RUNX2: variants seen among roughly 807,000 people sequenced by gnomAD.
RUNX2 encodes the protein RUNX family transcription factor 2.
In RUNX2, 10 loss-of-function variants were observed where a neutral mutation model predicts 51.7. That is an observed-to-expected ratio of 0.19 (90% CI 0.12 to 0.33). RUNX2 has a LOEUF of 0.33. Ranked by LOEUF, RUNX2 falls within the 10% of genes least tolerant of loss-of-function variation. The pLI is 1.00. For missense variants in RUNX2, 562 were observed against 691.3 expected, an observed-to-expected ratio of 0.81 and a Z score of 2.10; for synonymous variants, 276 against 273.6, an observed-to-expected ratio of 1.01 and a Z score of -0.09.
intron 7 of RUNX2, among the ~76,000 whole-genome samples, chr6:45,522,481 C>T (rs6458445): frequency 0.36 from 54,291 of 151,972 alleles, 11,161 homozygotes; most frequent in African/African-American, 0.58. Context: ...ACTTTCACTC[C>T]GAATTGCTTC....
intron 6 of RUNX2, among the ~76,000 whole-genome samples, chr6:45,498,594 C>T (rs1041076552): frequency 5.9e-5 from 9 of 152,108 alleles, no homozygotes; most frequent in African/African-American, 2.2e-4. Flanking sequence ...TTATATAAGG[C>T]ATGTATTTAA....
chr6:45,378,865 CATTCTT>C (rs1332957563), intron 2 of RUNX2, among the ~76,000 whole-genome samples: 1 of 152,202 alleles, frequency 6.6e-6, no homozygotes, highest in African/African-American at 2.4e-5. Context: ...TTATATTTAA[CATTCTT>C]ATTGCCTGCT....
intron 2 of RUNX2, chr6:45,371,947 G>A: frequency 2.5e-6 from 2 of 788,796 alleles, no homozygotes; most frequent in Non-Finnish European, 3.1e-6. Flanking sequence ...CTACTATTTA[G>A]TGATACAAGC....
chr6:45,525,163 G>A (rs1801634265), intron 7 of RUNX2, among the ~76,000 whole-genome samples: 1 of 152,142 alleles, frequency 6.6e-6, no homozygotes, highest in Non-Finnish European at 1.5e-5. Flanking sequence ...AAAGAGTTTG[G>A]CCCTCAGAGC....
intron 6 of RUNX2, among the ~76,000 whole-genome samples, chr6:45,508,517 T>C (rs1335489559): frequency 6.6e-6 from 1 of 152,170 alleles, no homozygotes; most frequent in Non-Finnish European, 1.5e-5. Context: ...TGTGAGCCAC[T>C]GCTCCCGGCC....
At chr6:45,536,952 T>A (rs560921912) in intron 7 of RUNX2, among the ~76,000 whole-genome samples, 13 of 152,292 alleles carry the variant, frequency 8.5e-5, no homozygotes, top group African/African-American at 2.9e-4. Context: ...TGATTCTCAA[T>A]TTATGTATTT....
At chr6:45,421,868 A>G (rs1798200978) in intron 2 of RUNX2, 1 of 152,080 alleles carries the variant, frequency 6.6e-6, no homozygotes, top group South Asian at 2.1e-4. Context: ...GAAGCGCGAG[A>G]GACAGGGGAG....
At chr6:45,479,460 G>A (rs763223369) in intron 5 of RUNX2, among the ~76,000 whole-genome samples, 7 of 152,234 alleles carry the variant, frequency 4.6e-5, no homozygotes, top group East Asian at 3.9e-4. Flanking sequence ...TTGAGAGGAC[G>A]GTATCCCTAA....
chr6:45,520,095 G>C (rs556344929), intron 7 of RUNX2, among the ~76,000 whole-genome samples: 6 of 152,152 alleles, frequency 3.9e-5, no homozygotes, highest in Admixed American at 3.9e-4. Flanking sequence ...GCCTCCCAAA[G>C]TGCTGGGATT....
chr6:45,436,085 C>T (rs939265129), intron 4 of RUNX2, among the ~76,000 whole-genome samples: 14 of 151,948 alleles, frequency 9.2e-5, no homozygotes, highest in South Asian at 2.1e-4. Context: ...TATTTAAATC[C>T]GTGTAATAGC....
intron 5 of RUNX2, among the ~76,000 whole-genome samples, chr6:45,446,275 A>T (rs774479030): frequency 2.6e-5 from 4 of 152,244 alleles, no homozygotes; most frequent in Non-Finnish European, 5.9e-5. Flanking sequence ...GCAAGAGCAC[A>T]GTTTCCACAT....
intron 5 of RUNX2, among the ~76,000 whole-genome samples, chr6:45,480,659 A>G (rs1800087094): frequency 6.6e-6 from 1 of 152,234 alleles, no homozygotes; most frequent in South Asian, 2.1e-4. Context: ...GCAGAGCAGC[A>G]TACAATTGAA....
chr6:45,420,835 G>A (rs1412163586), intron 2 of RUNX2, among the ~76,000 whole-genome samples: 7 of 152,174 alleles, frequency 4.6e-5, no homozygotes, highest in African/African-American at 1.7e-4. Flanking sequence ...GAGGCTGGTC[G>A]TAGACACCCA....
chr6:45,353,959 AAAG>A (rs1792606658), intron 2 of RUNX2, among the ~76,000 whole-genome samples: 1 of 152,160 alleles, frequency 6.6e-6, no homozygotes, highest in Non-Finnish European at 1.5e-5. Flanking sequence ...GACAAGCACA[AAAG>A]AAGAAATAAA....
chr6:45,359,638 A>G (rs1201854925), intron 2 of RUNX2, among the ~76,000 whole-genome samples: 1 of 152,236 alleles, frequency 6.6e-6, no homozygotes, highest in Non-Finnish European at 1.5e-5. Flanking sequence ...ATAAGTATAT[A>G]GTAAGTATAT....
At chr6:45,494,882 T>C (rs1222593986) in intron 6 of RUNX2, among the ~76,000 whole-genome samples, 1 of 152,242 alleles carries the variant, frequency 6.6e-6, no homozygotes, top group Non-Finnish European at 1.5e-5. Flanking sequence ...AGAAAAGCGC[T>C]GTTCTTAGTT....
intron 5 of RUNX2, among the ~76,000 whole-genome samples, chr6:45,448,733 A>T (rs1344789604): frequency 6.6e-6 from 1 of 152,172 alleles, no homozygotes; most frequent in Non-Finnish European, 1.5e-5. Context: ...ATTTTATGAG[A>T]TACAATCTGG....
At chr6:45,455,236 T>C (rs1231503785) in intron 5 of RUNX2, among the ~76,000 whole-genome samples, 1 of 152,242 alleles carries the variant, frequency 6.6e-6, no homozygotes, top group Non-Finnish European at 1.5e-5. Flanking sequence ...ATTTGTACAA[T>C]AGCATCTTAA....
intron 2 of RUNX2, among the ~76,000 whole-genome samples, chr6:45,399,349 CTTTTTTTTTTTTTT>C (rs398048486): frequency 5.2e-5 from 3 of 57,346 alleles, no homozygotes; most frequent in Non-Finnish European, 1.0e-4. Context: ...CTTTTCTTTC[CTTTTTTTTTTTTTT>C]TTTTTTTTTT....
Sources: gnomAD v4.1 joint callset for allele counts (sites outside exome capture counted in the v4.1 genomes callset) on GRCh38, gnomAD v4.1.1 for gene constraint, MANE v1.5 for transcripts, NCBI Gene and HGNC (gene_info 2026-07-23, HGNC 2026-07-21) for gene names.